The following ENOSF1 variants were observed in gnomAD, a reference collection of about 807,000 sequenced individuals.
The protein encoded by ENOSF1 is mitochondrial enolase superfamily member 1.
In ENOSF1, 73 loss-of-function variants were observed where a neutral mutation model predicts 68.2. The observed-to-expected ratio is 1.07, with a 90% confidence interval of 0.89 to 1.30. The LOEUF (loss-of-function observed/expected upper bound fraction) is 1.30. ENOSF1 is among the 50% of genes most tolerant of loss of function. The probability of loss-of-function intolerance (pLI) is 0.00; values close to 1 mark genes in which losing one functional copy is unlikely to be tolerated. For missense variants in ENOSF1, 589 were observed against 554.5 expected (o/e 1.06, Z -0.62); for synonymous variants, 223 against 210.4 (o/e 1.06, Z -0.52).
At chr18:683,466 C>T (rs1232153951) in intron 10 of ENOSF1, 86 bp from the exon 11 acceptor site, 2 of 1,519,250 alleles carry the variant, frequency 1.3e-6, no homozygotes, top group Non-Finnish European at 9.0e-7. Flanking sequence ...AATGCTGTCA[C>T]TCAGTGCCAC....
At chr18:705,991 AGAGT>A (rs1175287883) in intron 2 of ENOSF1, among the ~76,000 whole-genome samples, 16 of 152,272 alleles carry the variant, frequency 1.1e-4, no homozygotes, top group African/African-American at 2.9e-4. Flanking sequence ...CCTGGGCGAC[AGAGT>A]GAGACTCTGT....
the ENOSF1 span, among the ~76,000 whole-genome samples, chr18:664,890 C>T: frequency 7.1e-6 from 1 of 141,552 alleles, no homozygotes; most frequent in Non-Finnish European, 1.5e-5. Flanking sequence ...GGTGGATAAG[C>T]TTTTTGATGT....
intron 8 of ENOSF1, among the ~76,000 whole-genome samples, chr18:689,322 C>T (rs2076925623): frequency 6.6e-6 from 1 of 152,112 alleles, no homozygotes; most frequent in Non-Finnish European, 1.5e-5. Flanking sequence ...GTTCTGTCAC[C>T]CAGGTTGGAG....
At chr18:699,927 A>G (rs1598750563) in intron 2 of ENOSF1, among the ~76,000 whole-genome samples, 1 of 152,202 alleles carries the variant, frequency 6.6e-6, no homozygotes, top group African/African-American at 2.4e-5. Flanking sequence ...TAAAAATACA[A>G]AAATTAGCTG....
At chr18:710,020 C>A (rs1380376177) in intron 1 of ENOSF1, among the ~76,000 whole-genome samples, 1 of 152,198 alleles carries the variant, frequency 6.6e-6, no homozygotes, top group African/African-American at 2.4e-5. Flanking sequence ...TATGAGCTTG[C>A]AATACAGGTG....
At chr18:682,733 AAAAG>A (rs1275515228) in intron 11 of ENOSF1, among the ~76,000 whole-genome samples, 2 of 151,164 alleles carry the variant, frequency 1.3e-5, no homozygotes, top group East Asian at 3.9e-4. Context: ...AAAAAAAAAA[AAAAG>A]CCAGGCATGG....
At chr18:677,536 G>A (rs1598526188) in intron 13 of ENOSF1, 92 bp from the exon 14 acceptor site, 4 of 1,256,214 alleles carry the variant, frequency 3.2e-6, no homozygotes, top group East Asian at 4.7e-5. Flanking sequence ...ATTGCCCACA[G>A]GTGATTAAAT....
At chr18:669,872 G>C (rs1223730146), downstream of ENOSF1, among the ~76,000 whole-genome samples, 1 of 151,784 alleles carries the variant, frequency 6.6e-6, no homozygotes, top group Non-Finnish European at 1.5e-5. Flanking sequence ...CAAGGCGAGA[G>C]GATCATTTGA....
chr18:682,807 C>T (rs558089765), intron 11 of ENOSF1, among the ~76,000 whole-genome samples: 35 of 150,666 alleles, frequency 2.3e-4, no homozygotes, highest in Non-Finnish European at 4.1e-4. Flanking sequence ...TGCTTGAACT[C>T]GGGAGGCAGA....
At position 672,699 on chromosome 18, in the gene ENOSF1, C is replaced by G; in HGVS notation, c.*1606G>C. 1.4e-6 allele frequency: 1 copy of G among 695,860 alleles called. No individual in the cohort carries two copies. 43.1% of individuals were successfully genotyped at this position (695,860 alleles called of 1,614,324 possible). A position where few individuals can be genotyped will look rare whatever the true frequency, so the allele number is the denominator to read the frequency against. ...GTGCAAGAGAACAGCTGGTTGCGCT[C>G]CAATCATGTTACATAACCTACGGCA... is the stretch of plus-strand genomic sequence containing the variant. On this transcript the variant is annotated 3_prime_UTR_variant, in exon 16 of 16. Transcript: ENST00000647584.
At position 691,179 on chromosome 18, in the gene ENOSF1, T is replaced by C. The variant is rs748678378; in HGVS notation, c.496+25A>G. ...GCCACTACTGTGTGTGCACGTCGTG[T>C]ATCCCAGAAAGCTTCCAAACTCACC... On this transcript the variant is annotated intron_variant, in intron 6 of 15. Transcript: ENST00000647584. 6.8e-6 allele frequency: 11 copies of C among 1,613,698 alleles called. No homozygotes were observed. In the African/African-American group the frequency reaches 1.5e-4, roughly 22 times the overall value.
At chr18:668,174 G>A (rs1470581045), downstream of ENOSF1, among the ~76,000 whole-genome samples, 1 of 151,870 alleles carries the variant, frequency 6.6e-6, no homozygotes, top group Non-Finnish European at 1.5e-5. Context: ...TTTAGCACGT[G>A]TAGACTCTTG....
At chr18:706,643 A>T in intron 1 of ENOSF1, 65 bp from the exon 2 acceptor site, 9 of 1,183,994 alleles carry the variant, frequency 7.6e-6, no homozygotes, top group Non-Finnish European at 1.0e-5. Flanking sequence ...AACCATGAGA[A>T]TGATGTCACA....
At position 672,823 on chromosome 18, in the gene ENOSF1, C is replaced by T. The variant is rs773209502; in HGVS notation, c.*1482G>A. ...TGAGGAGCAATTACAACAGGTCGTA[C>T]AATTATGGCAAAATAATGGCCTTAT... On this transcript the variant is annotated 3_prime_UTR_variant, in exon 16 of 16. Coordinates refer to ENST00000647584, the MANE Select transcript of ENOSF1 (RefSeq NM_017512.7). The T allele has an allele frequency of 3.2e-6, 5 of 1,539,776 alleles. No individual in the cohort carries two copies. The highest frequency in any genetic ancestry group is 4.4e-6 in the Non-Finnish European group (5 of 1,128,914).
At chr18:705,682 A>T (rs2078851103) in intron 2 of ENOSF1, among the ~76,000 whole-genome samples, 1 of 152,050 alleles carries the variant, frequency 6.6e-6, no homozygotes, top group African/African-American at 2.4e-5. Context: ...TTTCGCCATG[A>T]AAATAGTGAA....
At chr18:700,710 C>T (rs1329912331) in intron 2 of ENOSF1, among the ~76,000 whole-genome samples, 1 of 151,702 alleles carries the variant, frequency 6.6e-6, no homozygotes, top group Admixed American at 6.6e-5. Context: ...CATGGTGAAA[C>T]CCTGTCTCTA....
downstream of ENOSF1, among the ~76,000 whole-genome samples, chr18:667,013 ATGGAGATGGAGATGGT>A: frequency 1.6e-4 from 1 of 6,232 alleles, no homozygotes. Context: ...GGTGATGGTG[ATGGAGATGGAGATGGT>A]GATGGAGATG....
At chr18:667,579 ATGGTGATGGTGATGGTGATGGTGATGGT>A (rs2074880790), downstream of ENOSF1, 1 of 94,404 alleles carries the variant, frequency 1.1e-5, no homozygotes, top group Admixed American at 9.7e-5. Context: ...GGAGATGGTG[ATGGTGATGGTGATGGTGATGGTGATGGT>A]GATGGAGATG....
chr18:703,084 T>C (rs2078540979), intron 2 of ENOSF1, among the ~76,000 whole-genome samples: 1 of 152,182 alleles, frequency 6.6e-6, no homozygotes, highest in South Asian at 2.1e-4. Flanking sequence ...AAAGTTAAAA[T>C]GGGTTCTGTC....
Sources: allele counts gnomAD v4.1 joint callset (sites outside exome capture counted in the v4.1 genomes callset), GRCh38; gene constraint gnomAD v4.1.1; transcripts MANE v1.5; gene names NCBI Gene and HGNC (gene_info 2026-07-23, HGNC 2026-07-21).